Variants in PTPRG observed in about 807,000 individuals in gnomAD.
PTPRG encodes the protein receptor-type tyrosine-protein phosphatase gamma.
A neutral mutation model predicts 165.3 loss-of-function variants in PTPRG; 102 were observed. The observed-to-expected ratio is 0.62, with a 90% confidence interval of 0.53 to 0.73. The LOEUF (loss-of-function observed/expected upper bound fraction) is 0.73. Among genes scored for constraint, PTPRG ranks in the 30% least tolerant of loss-of-function variants. The pLI is 0.00. For synonymous variants in PTPRG, 675 were observed against 669.5 expected (o/e 1.01, Z -0.13); for missense variants, 1,866 against 1,861.4 (o/e 1.00, Z -0.05).
At chr3:61,821,078 A>G (rs1044854056) in intron 2 of PTPRG, among the ~76,000 whole-genome samples, 5 of 151,978 alleles carry the variant, frequency 3.3e-5, no homozygotes, top group African/African-American at 1.2e-4. Context: ...CTACTTCTTC[A>G]GCTTTATGAG....
At position 62,164,701 on chromosome 3, in the gene PTPRG, G is replaced by A. The variant is rs570873268; in HGVS notation, c.841-3270G>A. Among the ~76,000 whole-genome samples the A allele has an allele frequency of 3.9e-5, 6 of 152,290 alleles. No homozygotes were observed. The East Asian group carries it at 1.2e-3, about 29-fold the overall frequency. ...CGTAGCATGTCATTAAGCTGCAATA[G>A]CAATTTAAGTGAAAGCATTTTTGTG... On this transcript the variant is annotated intron_variant, in intron 7 of 29. Transcript: ENST00000474889.
intron 1 of PTPRG, among the ~76,000 whole-genome samples, chr3:61,672,757 AGGG>A (rs1559550785): frequency 2.6e-4 from 33 of 128,376 alleles, no homozygotes; most frequent in African/African-American, 5.8e-4. Flanking sequence ...GGAGAGGGAG[AGGG>A]AGAAGAGGGA....
At chr3:61,940,873 C>G (rs1226729769) in intron 2 of PTPRG, among the ~76,000 whole-genome samples, 2 of 152,112 alleles carry the variant, frequency 1.3e-5, no homozygotes, top group East Asian at 3.9e-4. Context: ...ACCGTGTTAG[C>G]CAGGATGATC....
chr3:62,062,379 G>C (rs926187112), intron 4 of PTPRG, among the ~76,000 whole-genome samples: 1 of 152,154 alleles, frequency 6.6e-6, no homozygotes, highest in Non-Finnish European at 1.5e-5. Flanking sequence ...AAATGTTAAG[G>C]GAGGTATCTA....
chr3:61,805,042 G>A (rs377319877), intron 2 of PTPRG, among the ~76,000 whole-genome samples: 12 of 152,192 alleles, frequency 7.9e-5, no homozygotes, highest in African/African-American at 2.9e-4. Flanking sequence ...GGACACAGGC[G>A]CCTGAAACCC....
intron 5 of PTPRG, among the ~76,000 whole-genome samples, chr3:62,118,812 T>G (rs1252536766): frequency 1.3e-5 from 2 of 152,180 alleles, no homozygotes; most frequent in African/African-American, 2.4e-5. Flanking sequence ...CCAGAGTGAT[T>G]AAAGTCACTT....
intron 6 of PTPRG, among the ~76,000 whole-genome samples, chr3:62,149,362 C>A (rs1704241249): frequency 6.6e-6 from 1 of 151,620 alleles, no homozygotes; most frequent in South Asian, 2.1e-4. Flanking sequence ...CAACCTCCAC[C>A]TTCCCAGTTC....
rs138715420 is a variant in PTPRG at position 61,944,856 on chromosome 3, G to A, written c.191-44769G>A. On this transcript the variant is annotated intron_variant, in intron 2 of 29. Transcript: ENST00000474889. ...ATCTTTTGGGACCCCAACAGGATGA[G>A]ATCATTGGCCAGCTGGCTTCCTCCC... Among the ~76,000 whole-genome samples, 95 of 152,270 alleles carry A rather than the reference G, an allele frequency of 6.2e-4. No individual in the cohort carries two copies. The East Asian group carries it at 0.013, about 20-fold the overall frequency.
intron 4 of PTPRG, among the ~76,000 whole-genome samples, chr3:62,027,739 A>G (rs1332491633): frequency 6.6e-6 from 1 of 152,216 alleles, no homozygotes; most frequent in Admixed American, 6.5e-5. Flanking sequence ...TTTTAAATCC[A>G]TCAAAAAACG....
intron 5 of PTPRG, among the ~76,000 whole-genome samples, chr3:62,108,904 A>AT (rs1476824234): frequency 6.6e-6 from 1 of 151,850 alleles, no homozygotes; most frequent in Non-Finnish European, 1.5e-5. Flanking sequence ...TTTCTTGTAA[A>AT]TTTGTTTAAT....
intron 1 of PTPRG, among the ~76,000 whole-genome samples, chr3:61,677,380 C>G (rs547311102): frequency 3.3e-5 from 5 of 152,174 alleles, no homozygotes; most frequent in African/African-American, 1.2e-4. Context: ...CTCTCTTATT[C>G]TTCCCACTTT....
intron 2 of PTPRG, among the ~76,000 whole-genome samples, chr3:61,816,414 C>G (rs2035764235): frequency 6.6e-6 from 1 of 152,088 alleles, no homozygotes; most frequent in South Asian, 2.1e-4. Context: ...GGCCCGTAAT[C>G]CTAGCTACTT....
At chr3:61,968,148 G>T (rs1575832969) in intron 2 of PTPRG, among the ~76,000 whole-genome samples, 2 of 152,104 alleles carry the variant, frequency 1.3e-5, no homozygotes, top group African/African-American at 4.8e-5. Flanking sequence ...CCATAAACAA[G>T]TACTAAATTT....
At chr3:62,086,660 T>A (rs1701762311) in intron 5 of PTPRG, among the ~76,000 whole-genome samples, 1 of 152,248 alleles carries the variant, frequency 6.6e-6, no homozygotes. Context: ...AATTTCAGAA[T>A]GTTTTGGGTT....
chr3:61,813,543 CTGTG>C (rs58097355), intron 2 of PTPRG, among the ~76,000 whole-genome samples: 12,239 of 116,730 alleles, frequency 0.1, 695 homozygotes, highest in East Asian at 0.27. Flanking sequence ...AAAAGAAAAT[CTGTG>C]TGTGTGTGTG....
intron 1 of PTPRG, among the ~76,000 whole-genome samples, chr3:61,573,351 G>T (rs1320174): frequency 0.25 from 38,475 of 151,008 alleles, 5,525 homozygotes; most frequent in Admixed American, 0.34. Context: ...TTGCTACTTA[G>T]TTTTTTTTAC....
intron 2 of PTPRG, among the ~76,000 whole-genome samples, chr3:61,823,424 G>A (rs904336630): frequency 2.0e-5 from 3 of 152,090 alleles, no homozygotes; most frequent in Non-Finnish European, 2.9e-5. Flanking sequence ...TCCTGACCTC[G>A]TGATCCACCG....
At chr3:61,822,275 TG>T (rs1440626514) in intron 2 of PTPRG, among the ~76,000 whole-genome samples, 1 of 152,232 alleles carries the variant, frequency 6.6e-6, no homozygotes, top group East Asian at 1.9e-4. Flanking sequence ...GAGTAGCCGT[TG>T]GGTTTCACGT....
chr3:62,120,770 T>A (rs1343927320), intron 5 of PTPRG, among the ~76,000 whole-genome samples: 1 of 150,610 alleles, frequency 6.6e-6, no homozygotes, highest in African/African-American at 2.4e-5. Flanking sequence ...AGAAAAAGAT[T>A]GGAAGATGAA....
Sources: allele counts gnomAD v4.1 joint callset (sites outside exome capture counted in the v4.1 genomes callset), GRCh38; gene constraint gnomAD v4.1.1; transcripts MANE v1.5; gene names NCBI Gene and HGNC (gene_info 2026-07-23, HGNC 2026-07-21).